Variants in HACE1 observed in about 807,000 individuals in gnomAD.
The protein encoded by HACE1 is E3 ubiquitin-protein ligase HACE1.
Under a neutral mutation model 118.4 loss-of-function variants are expected in HACE1, and 73 were observed. The observed-to-expected ratio is 0.62, with a 90% confidence interval of 0.51 to 0.75. The LOEUF (loss-of-function observed/expected upper bound fraction) is 0.75, where lower values mean the gene tolerates loss of function less well. Among genes scored for constraint, HACE1 ranks in the 30% least tolerant of loss-of-function variants. The pLI is 0.00. For synonymous variants in HACE1, 368 were observed against 374.8 expected, an observed-to-expected ratio of 0.98 and a Z score of 0.21; for missense variants, 749 against 1,102.2, an observed-to-expected ratio of 0.68 and a Z score of 4.54.
intron 19 of HACE1, among the ~76,000 whole-genome samples, chr6:104,756,669 C>T (rs1302170029): frequency 6.6e-6 from 1 of 151,956 alleles, no homozygotes; most frequent in African/African-American, 2.4e-5. Context: ...ACTGAGGTGA[C>T]TGGTTCAACT....
At chr6:104,812,921 A>G (rs1771781767) in intron 6 of HACE1, among the ~76,000 whole-genome samples, 1 of 152,130 alleles carries the variant, frequency 6.6e-6, no homozygotes, top group Admixed American at 6.6e-5. Flanking sequence ...CCCTCTTTAC[A>G]CTGTCTCAGA....
chr6:104,740,078 A>T (rs1177522628), intron 22 of HACE1, among the ~76,000 whole-genome samples: 10 of 151,880 alleles, frequency 6.6e-5, no homozygotes, highest in Non-Finnish European at 1.0e-4. Flanking sequence ...CTGGGTACAT[A>T]ATGAAATGAA....
intron 6 of HACE1, among the ~76,000 whole-genome samples, chr6:104,819,288 C>A (rs902898964): frequency 3.3e-5 from 5 of 152,076 alleles, no homozygotes; most frequent in African/African-American, 1.2e-4. Context: ...CCATTCACAA[C>A]TGCCACAAAA....
intron 22 of HACE1, among the ~76,000 whole-genome samples, chr6:104,739,375 T>A (rs569598780): frequency 2.6e-5 from 4 of 152,000 alleles, no homozygotes; most frequent in Non-Finnish European, 5.9e-5. Context: ...GACTGGCAAA[T>A]TGGATAAAGA....
At chr6:104,737,796 C>CG (rs1776087732) in intron 22 of HACE1, among the ~76,000 whole-genome samples, 1 of 152,178 alleles carries the variant, frequency 6.6e-6, no homozygotes, top group Non-Finnish European at 1.5e-5. Flanking sequence ...AACAAAGCAG[C>CG]GGGGAAGCCC....
rs1582819035 is a variant in HACE1 at position 104,859,574 on chromosome 6, C to T, written c.69G>A (p.Leu23=). The part of the protein sequence containing the change: ...RSLRRARTVE[L]PEDNETAVYT... ...CCCCGCGACCCGGCTCACCCTCGGG[C>T]AACTCCACGGTGCGCGCGCGGCGCA... Residue 23 remains leucine, a synonymous_variant, in exon 1 of 24, where the codon TTG becomes TTA. Coordinates refer to ENST00000262903, the MANE Select transcript of HACE1 (RefSeq NM_020771.4). The T allele has an allele frequency of 6.6e-7, 1 of 1,524,462 alleles. No individual in the cohort carries two copies. Among genetic ancestry groups the T allele is most frequent in the Non-Finnish European group, 8.8e-7 (1 of 1,141,080 alleles). The allele number at this position is 1,524,462 out of a possible 1,614,324, so 94.4% of individuals were successfully genotyped here. A position where few individuals can be genotyped will look rare whatever the true frequency, so the allele number is the denominator to read the frequency against.
chr6:104,778,979 A>C (rs924725307), intron 14 of HACE1, among the ~76,000 whole-genome samples: 59 of 152,304 alleles, frequency 3.9e-4, no homozygotes, highest in Admixed American at 3.0e-3. Flanking sequence ...GTGGGGTGTA[A>C]CTATTAGGGA....
chr6:104,788,923 C>T (rs184565949), intron 11 of HACE1, among the ~76,000 whole-genome samples: 71 of 152,228 alleles, frequency 4.7e-4, no homozygotes, highest in African/African-American at 1.7e-3. Context: ...TATAAACCCA[C>T]TCATTCTTAA....
chr6:104,823,399 T>A (rs1211256799), intron 6 of HACE1, among the ~76,000 whole-genome samples: 1 of 150,036 alleles, frequency 6.7e-6, no homozygotes, highest in Non-Finnish European at 1.5e-5. Flanking sequence ...ATGCCACTGC[T>A]CCAGACTGGG....
intron 6 of HACE1, among the ~76,000 whole-genome samples, chr6:104,827,819 T>TA (rs1773486509): frequency 6.6e-6 from 1 of 152,086 alleles, no homozygotes; most frequent in Admixed American, 6.5e-5. Context: ...ATGATTTTAG[T>TA]AAAAAAATGC....
At chr6:104,780,281 A>AACAC in intron 14 of HACE1, 1 of 376,546 alleles carries the variant, frequency 2.7e-6, no homozygotes, top group Non-Finnish European at 5.1e-6. Flanking sequence ...GCTCAGATCA[A>AACAC]ACACACACAC....
In HACE1 at chr6:104,731,883, T is replaced by A. The variant is rs554001656; in HGVS notation, c.2514-1467A>T. ...GAATTCCCATAGAAAAAAAAAAAAA[T>A]CCCGATTAAAAATGGGCAAACAATT... On this transcript the variant is annotated intron_variant, in intron 22 of 23. Coordinates refer to ENST00000262903, the MANE Select transcript of HACE1 (RefSeq NM_020771.4). The A allele has an allele frequency of 7.0e-3, 886 of 127,454 alleles. 2 individuals carry two copies. Among genetic ancestry groups the A allele is most frequent in the African/African-American group, 0.026 (834 of 32,618 alleles). 7.9% of individuals were successfully genotyped at this position (127,454 alleles called of 1,614,324 possible).
chr6:104,788,419 G>A (rs1301243002), intron 11 of HACE1, among the ~76,000 whole-genome samples: 1 of 151,924 alleles, frequency 6.6e-6, no homozygotes, highest in Non-Finnish European at 1.5e-5. Context: ...ATACAATCTC[G>A]AGCTTACTGA....
At chr6:104,740,580 G>A (rs1043569492) in intron 22 of HACE1, among the ~76,000 whole-genome samples, 5 of 151,398 alleles carry the variant, frequency 3.3e-5, no homozygotes, top group Non-Finnish European at 5.9e-5. Flanking sequence ...TAAATTCCTC[G>A]ACACATACAC....
intron 19 of HACE1, among the ~76,000 whole-genome samples, chr6:104,758,856 T>C (rs1197888485): frequency 4.7e-5 from 7 of 150,272 alleles, no homozygotes; most frequent in Admixed American, 3.3e-4. Context: ...GAGGAAGATC[T>C]ACCAAGCAAA....
chr6:104,837,424 G>A (rs1774653784), intron 5 of HACE1, among the ~76,000 whole-genome samples: 1 of 152,058 alleles, frequency 6.6e-6, no homozygotes, highest in African/African-American at 2.4e-5. Context: ...TGCTAGTACT[G>A]GACATTCATA....
chr6:104,792,035 T>G (rs912500795), intron 10 of HACE1, among the ~76,000 whole-genome samples: 9 of 152,174 alleles, frequency 5.9e-5, no homozygotes, highest in African/African-American at 2.2e-4. Context: ...AGAGAAGCAA[T>G]GGTATAAATC....
At chr6:104,847,535 G>A (rs1330560320) in intron 4 of HACE1, among the ~76,000 whole-genome samples, 1 of 152,218 alleles carries the variant, frequency 6.6e-6, no homozygotes, top group African/African-American at 2.4e-5. Flanking sequence ...AGGAAATGGA[G>A]CAGATCAGCA....
intron 6 of HACE1, among the ~76,000 whole-genome samples, chr6:104,818,745 T>A (rs1018523706): frequency 6.6e-6 from 1 of 151,958 alleles, no homozygotes; most frequent in African/African-American, 2.4e-5. Context: ...AATCAATAAA[T>A]GTAATTCAGC....
Sources: gnomAD v4.1 joint callset for allele counts (sites outside exome capture counted in the v4.1 genomes callset) on GRCh38, gnomAD v4.1.1 for gene constraint, MANE v1.5 for transcripts, NCBI Gene and HGNC (gene_info 2026-07-23, HGNC 2026-07-21) for gene names.